TRAIP: variants seen among roughly 807,000 people sequenced by gnomAD.
TRAIP encodes the protein TRAF interacting protein.
TRAIP carries 37 observed loss-of-function variants against 65.0 expected under a neutral mutation model. That is an observed-to-expected ratio of 0.57 (90% CI 0.44 to 0.75). TRAIP has a LOEUF of 0.75. Ranked by LOEUF, TRAIP falls within the 30% of genes least tolerant of loss-of-function variation. The pLI, the probability that TRAIP is intolerant of heterozygous loss-of-function variation, is 0.00. For missense variants in TRAIP, 481 were observed against 579.4 expected (o/e 0.83, Z 1.74); for synonymous variants, 187 against 219.1 (o/e 0.85, Z 1.29).
intron 1 of TRAIP, among the ~76,000 whole-genome samples, chr3:49,848,495 G>A (rs1260460367): frequency 6.6e-6 from 1 of 152,090 alleles, no homozygotes; most frequent in African/African-American, 2.4e-5. Context: ...GAAGCTCAGG[G>A]GCCCTCAGAG....
intron 5 of TRAIP, among the ~76,000 whole-genome samples, chr3:49,842,911 C>T (rs2081850719): frequency 6.6e-6 from 1 of 152,190 alleles, no homozygotes; most frequent in Admixed American, 6.5e-5. Context: ...AGCACAAACC[C>T]AGGCCTCACC....
intron 1 of TRAIP, among the ~76,000 whole-genome samples, chr3:49,848,760 G>A (rs2081906444): frequency 6.6e-6 from 1 of 151,962 alleles, no homozygotes; most frequent in Admixed American, 6.6e-5. Flanking sequence ...TGGCTACTCT[G>A]TTTACCCTGA....
At chr3:49,844,054 C>G (rs1253366804) in intron 4 of TRAIP, 126 bp from the exon 5 acceptor site, 1 of 1,331,376 alleles carries the variant, frequency 7.5e-7, no homozygotes, top group African/African-American at 1.5e-5. Context: ...GGCCTGAAAG[C>G]TGGGTGGCCC....
Position 49,831,863 on chromosome 3 carries a change from G to A in TRAIP, c.1037+53C>T, listed in dbSNP as rs1452897041. On this transcript the variant is annotated intron_variant, in intron 11 of 14. Coordinates refer to ENST00000331456, the MANE Select transcript of TRAIP (RefSeq NM_005879.3). ...CTAACAGCACAGGGCCTGCAGAGCT[G>A]TCTTAGCTATCCCCCTACCAGCCCA... 3.4e-6 allele frequency: 5 copies of A among 1,481,192 alleles called. No homozygotes were observed. The East Asian group carries it at 1.2e-4, about 37-fold the overall frequency. The allele number at this position is 1,481,192 out of a possible 1,614,324, so 91.8% of individuals were successfully genotyped here. A position where few individuals can be genotyped will look rare whatever the true frequency, so the allele number is the denominator to read the frequency against.
chr3:49,844,636 T>G, intron 3 of TRAIP, 56 bp from the exon 4 acceptor site: 1 of 1,604,126 alleles, frequency 6.2e-7, no homozygotes. Flanking sequence ...GACCTCCACG[T>G]GGTCTCCCAT....
rs2081896892 is a variant in TRAIP at position 49,847,666 on chromosome 3, A to G, written c.157-58T>C. On this transcript the variant is annotated intron_variant, in intron 2 of 14. Coordinates refer to ENST00000331456, the MANE Select transcript of TRAIP (RefSeq NM_005879.3). Reference sequence around the variant, plus strand: ...TGTAGCTGGGTCATGCGCAAGGAGGAGAGTGTTGTACATGGGTCTGACTAC... The same window carrying G: ...TGTAGCTGGGTCATGCGCAAGGAGGGGAGTGTTGTACATGGGTCTGACTAC... The G allele has an allele frequency of 2.4e-6, 3 of 1,271,530 alleles. No homozygotes were observed. In the East Asian group the frequency reaches 7.0e-5, roughly 30 times the overall value. The allele number at this position is 1,271,530 out of a possible 1,614,324, so 78.8% of individuals were successfully genotyped here. A position where few individuals can be genotyped will look rare whatever the true frequency, so the allele number is the denominator to read the frequency against.
Position 49,856,521 on chromosome 3 carries a change from C to G in TRAIP, c.-68G>C, listed in dbSNP as rs1017729758. 5.8e-5 allele frequency: 83 copies of G among 1,430,088 alleles called. 4 individuals carry two copies. In the South Asian group the frequency reaches 9.8e-4, roughly 17 times the overall value. 88.6% of individuals were successfully genotyped at this position (1,430,088 alleles called of 1,614,324 possible). On this transcript the variant is annotated 5_prime_UTR_variant, in exon 1 of 15. Transcript: ENST00000331456. ...ACAGGTCCGGCTTCGTAGACGCGCC[C>G]CCGCGCCTCCGCTTGCTTCAAATTT...
chr3:49,841,262 T>G (rs1256539012), intron 7 of TRAIP, among the ~76,000 whole-genome samples, 190 bp from the exon 8 acceptor site: 11 of 152,172 alleles, frequency 7.2e-5, no homozygotes, highest in Admixed American at 7.2e-4. Flanking sequence ...AAGTGACTAT[T>G]TCCTCCTGCC....
At chr3:49,843,966 CT>C (rs1559449719) in intron 4 of TRAIP, 38 bp from the exon 5 acceptor site, 1 of 1,579,084 alleles carries the variant, frequency 6.3e-7, no homozygotes, top group East Asian at 2.3e-5. Context: ...AGGGAAAGGC[CT>C]GTCCATCCAT....
Position 49,829,150 on chromosome 3 carries a change from C to T in TRAIP, c.1363G>A (p.Val455Met), listed in dbSNP as rs1173490891. 3.1e-6 allele frequency: 5 copies of T among 1,614,122 alleles called. No homozygotes were observed. Among genetic ancestry groups the T allele is most frequent in the African/African-American group, 1.3e-5 (1 of 74,936 alleles). The part of the protein sequence containing the change: ...KVKQRVRVKT[V>M]PSLFQAKLDT... ...AGCTTGGCCTGGAAGAGAGAAGGCA[C>T]TGTCTTCACCCTCACCCTCTGCTTA... Residue 455 changes from valine to methionine, a missense_variant, in exon 15 of 15, where the codon GTG becomes ATG. Physicochemically the swap from Val to Met is conservative, Grantham distance 21. Coordinates refer to ENST00000331456, the MANE Select transcript of TRAIP (RefSeq NM_005879.3).
At chr3:49,838,642 T>C (rs887797194) in intron 10 of TRAIP, among the ~76,000 whole-genome samples, 1 of 152,136 alleles carries the variant, frequency 6.6e-6, no homozygotes, top group African/African-American at 2.4e-5. Context: ...TCCCAGCACT[T>C]TGGGAGGCCC....
intron 1 of TRAIP, among the ~76,000 whole-genome samples, chr3:49,851,149 C>G (rs2081927462): frequency 6.6e-6 from 1 of 151,656 alleles, no homozygotes; most frequent in Non-Finnish European, 1.5e-5. Context: ...GGCTAATTTT[C>G]TGTGTTTTTA....
chr3:49,856,098 T>C (rs1480765044), intron 1 of TRAIP, among the ~76,000 whole-genome samples: 1 of 152,236 alleles, frequency 6.6e-6, no homozygotes, highest in Non-Finnish European at 1.5e-5. Flanking sequence ...CATCTGTTTG[T>C]ATAGGTGATC....
At chr3:49,853,422 T>C (rs533867677) in intron 1 of TRAIP, among the ~76,000 whole-genome samples, 10 of 151,980 alleles carry the variant, frequency 6.6e-5, no homozygotes, top group Non-Finnish European at 1.0e-4. Context: ...CTGGCTAACA[T>C]AGCGAGACCT....
intron 11 of TRAIP, among the ~76,000 whole-genome samples, chr3:49,831,430 C>A (rs2081731804): frequency 6.6e-6 from 1 of 152,246 alleles, no homozygotes; most frequent in African/African-American, 2.4e-5. Flanking sequence ...GCAGGTTCCA[C>A]CTGCCCCACT....
chr3:49,844,351 T>C (rs2081865380), intron 4 of TRAIP, among the ~76,000 whole-genome samples, 190 bp downstream of exon 4: 1 of 152,076 alleles, frequency 6.6e-6, no homozygotes, highest in Non-Finnish European at 1.5e-5. Flanking sequence ...CTGGTCTAGG[T>C]GAACAGCTTC....
intron 11 of TRAIP, among the ~76,000 whole-genome samples, chr3:49,830,925 A>G (rs949915079): frequency 6.6e-6 from 1 of 151,982 alleles, no homozygotes; most frequent in Non-Finnish European, 1.5e-5. Flanking sequence ...TACCTCCTTC[A>G]CTACCTCCAC....
intron 4 of TRAIP, 143 bp downstream of exon 4, chr3:49,844,398 A>G (rs1023730321): frequency 2.2e-6 from 2 of 898,332 alleles, no homozygotes; most frequent in Non-Finnish European, 3.5e-6. Flanking sequence ...TGCCCACCAC[A>G]ACAGCTAGCA....
At chr3:49,840,884 C>T in intron 8 of TRAIP, 101 bp downstream of exon 8, 1 of 1,103,888 alleles carries the variant, frequency 9.1e-7, no homozygotes, top group Non-Finnish European at 1.4e-6. Flanking sequence ...CCCAGGGAGT[C>T]AGCTGTGCCA....
Sources: allele counts gnomAD v4.1 joint callset (sites outside exome capture counted in the v4.1 genomes callset), GRCh38; gene constraint gnomAD v4.1.1; transcripts MANE v1.5; gene names NCBI Gene and HGNC (gene_info 2026-07-23, HGNC 2026-07-21).